ADRA1A: variants seen among roughly 807,000 people sequenced by gnomAD.
ADRA1A encodes alpha-1A adrenergic receptor.
ADRA1A carries 31 observed loss-of-function variants against 29.6 expected under a neutral mutation model. The ratio of observed to expected loss-of-function variants is 1.05; its 90% CI spans 0.79 to 1.41. The LOEUF is 1.41. ADRA1A is among the 40% of genes most tolerant of loss of function. The pLI, the probability that ADRA1A is intolerant of heterozygous loss-of-function variation, is 0.00. For synonymous variants in ADRA1A, 311 were observed against 254.3 expected (o/e 1.22, Z -2.12); for missense variants, 619 against 601.1 (o/e 1.03, Z -0.31).
chr8:26,788,342 T>C (rs1417745186), intron 2 of ADRA1A, among the ~76,000 whole-genome samples: 1 of 152,196 alleles, frequency 6.6e-6, no homozygotes. Flanking sequence ...CTTCCATGGA[T>C]ACCTGGGCTT....
At chr8:26,786,008 T>A (rs117686299) in intron 2 of ADRA1A, among the ~76,000 whole-genome samples, 109 of 152,112 alleles carry the variant, frequency 7.2e-4, no homozygotes, top group Non-Finnish European at 1.4e-3. Context: ...CATGCCTGGG[T>A]CACCTTCCCT....
rs990624773 is a variant in ADRA1A, at chr8:26,866,385, A to G, written c.-687+551T>C. ...GGGACTGGCGGGGGACGGGGTGGGG[A>G]GGACGTCCCTCTGCAGAGGGAGCTT... On this transcript the variant is annotated intron_variant, in intron 1 of 2. Transcript: ENST00000380573. This position sits in a 1 kb window ranked among gnomAD's most constrained non-coding sequence, Gnocchi z 5.7. 6.6e-6 allele frequency among the ~76,000 whole-genome samples: 1 copy of G among 151,918 alleles called. No individual in the cohort carries two copies. The highest frequency in any genetic ancestry group is 1.9e-4 in the East Asian group (1 of 5,150).
At chr8:26,854,423 C>CA (rs1554512940) in intron 2 of ADRA1A, 4 of 26,780 alleles carry the variant, frequency 1.5e-4, no homozygotes, top group African/African-American at 4.3e-4. Flanking sequence ...TAAAGCGGGG[C>CA]GGGGGGGGGG....
intron 2 of ADRA1A, among the ~76,000 whole-genome samples, chr8:26,800,895 C>T (rs907246621): frequency 6.6e-6 from 1 of 152,052 alleles, no homozygotes; most frequent in South Asian, 2.1e-4. Flanking sequence ...ACTTGTAGTC[C>T]AAATTCAACA....
intron 2 of ADRA1A, among the ~76,000 whole-genome samples, chr8:26,811,578 A>T (rs1809400004): frequency 6.6e-6 from 1 of 152,202 alleles, no homozygotes. Flanking sequence ...ACTAGAGCCC[A>T]CTCAGAAAAC....
intron 2 of ADRA1A, among the ~76,000 whole-genome samples, chr8:26,856,622 C>T (rs1813066768): frequency 6.6e-6 from 1 of 152,062 alleles, no homozygotes; most frequent in Non-Finnish European, 1.5e-5. Context: ...CCATTTTTGC[C>T]TTTAAACACC....
downstream of ADRA1A, among the ~76,000 whole-genome samples, chr8:26,767,082 G>T (rs941847671): frequency 1.3e-5 from 2 of 152,034 alleles, no homozygotes; most frequent in Admixed American, 6.5e-5. Flanking sequence ...GAGATTCAGG[G>T]TCTCTCATAA....
chr8:26,820,959 A>C (rs1477834212), intron 2 of ADRA1A, among the ~76,000 whole-genome samples: 1 of 151,988 alleles, frequency 6.6e-6, no homozygotes, highest in African/African-American at 2.4e-5. Context: ...GTGCCATCTT[A>C]GCTCACTGCA....
At chr8:26,762,102 G>A (rs1448090170), downstream of ADRA1A, among the ~76,000 whole-genome samples, 1 of 152,114 alleles carries the variant, frequency 6.6e-6, no homozygotes, top group Non-Finnish European at 1.5e-5. This position sits in a 1 kb window ranked among gnomAD's most constrained non-coding sequence, Gnocchi z 4.0. Context: ...AGAGACAGAA[G>A]ATGCAGAAGA....
rs1810521826 is a variant in ADRA1A at position 26,825,900 on chromosome 8, C to A, written c.883+38187G>T. ...TTTGCATGAGGACATGAGCCCCATTCCTTGAATTCCTACAATGTCCCAAGT... is the reference window on the plus strand; with the variant it reads ...TTTGCATGAGGACATGAGCCCCATTACTTGAATTCCTACAATGTCCCAAGT... On this transcript the variant is annotated intron_variant, in intron 2 of 2. Coordinates refer to ENST00000380573, the MANE Select transcript of ADRA1A (RefSeq NM_000680.4). This position sits in a 1 kb window ranked among gnomAD's most constrained non-coding sequence, Gnocchi z 5.7. Among the ~76,000 whole-genome samples the A allele has an allele frequency of 6.6e-6, 1 of 152,228 alleles. No homozygotes were observed. Among genetic ancestry groups the A allele is most frequent in the Admixed American group, 6.5e-5 (1 of 15,286 alleles).
At chr8:26,856,174 T>A (rs1813028913) in intron 2 of ADRA1A, among the ~76,000 whole-genome samples, 1 of 152,200 alleles carries the variant, frequency 6.6e-6, no homozygotes. Flanking sequence ...CTATTTCTGA[T>A]CACGAGAAAG....
intron 2 of ADRA1A, among the ~76,000 whole-genome samples, chr8:26,827,290 T>C (rs1325623847): frequency 6.6e-6 from 1 of 152,164 alleles, no homozygotes; most frequent in East Asian, 1.9e-4. Context: ...ATGGGAAATG[T>C]TGAGGTTGAA....
Position 26,787,405 on chromosome 8 carries a change from C to T in ADRA1A, c.884-16739G>A, listed in dbSNP as rs545682716. On this transcript the variant is annotated intron_variant, in intron 2 of 2. Transcript: ENST00000380573. This position sits in a 1 kb window ranked among gnomAD's most constrained non-coding sequence, Gnocchi z 4.2. The stretch of plus-strand genomic sequence containing the variant: ...GACATGTTTGGACATGGAAAAAAAA[C>T]CCACACATACTATATTCTGTCTGAA... 1.1e-3 allele frequency among the ~76,000 whole-genome samples: 171 copies of T among 152,072 alleles called. No homozygotes were observed. The highest frequency in any genetic ancestry group is 2.0e-3 in the Non-Finnish European group (139 of 68,000).
intron 2 of ADRA1A, among the ~76,000 whole-genome samples, chr8:26,758,584 T>C (rs1045913656): frequency 4.6e-5 from 7 of 152,200 alleles, no homozygotes; most frequent in Non-Finnish European, 1.0e-4. Flanking sequence ...AGAGGTCACG[T>C]GATTTGTTCA....
intron 2 of ADRA1A, among the ~76,000 whole-genome samples, chr8:26,759,408 ATT>A (rs780287222): frequency 7.9e-5 from 12 of 152,084 alleles, no homozygotes; most frequent in Non-Finnish European, 1.5e-4. Flanking sequence ...CTAGCAATGG[ATT>A]GTTATTTAAA....
chr8:26,762,388 C>A (rs1452995006), downstream of ADRA1A, among the ~76,000 whole-genome samples: 1 of 152,138 alleles, frequency 6.6e-6, no homozygotes, highest in Non-Finnish European at 1.5e-5. The surrounding 1 kb of genome is among the most constrained non-coding windows in gnomAD (Gnocchi z 4.0). Context: ...CCTGGGCTCT[C>A]TGGAAGCTGT....
chr8:26,795,721 A>AGG (rs1808146696), intron 2 of ADRA1A, among the ~76,000 whole-genome samples: 1 of 152,306 alleles, frequency 6.6e-6, no homozygotes, highest in Non-Finnish European at 1.5e-5. Flanking sequence ...ACAAACAGAC[A>AGG]AAGTGATACA....
At chr8:26,836,949 G>A (rs1811415776) in intron 2 of ADRA1A, among the ~76,000 whole-genome samples, 1 of 152,134 alleles carries the variant, frequency 6.6e-6, no homozygotes, top group South Asian at 2.1e-4. Context: ...GACCAGCCCA[G>A]GAAGGCAGCA....
chr8:26,863,233 G>C (rs190920825), intron 2 of ADRA1A, among the ~76,000 whole-genome samples: 10 of 152,292 alleles, frequency 6.6e-5, no homozygotes, highest in Admixed American at 5.9e-4. Context: ...TCTCATTGAA[G>C]GAGATAGATG....
Sources: allele counts gnomAD v4.1 joint callset (sites outside exome capture counted in the v4.1 genomes callset), GRCh38; gene constraint gnomAD v4.1.1; non-coding constraint Gnocchi (gnomAD v3.1); transcripts MANE v1.5; gene names NCBI Gene and HGNC (gene_info 2026-07-23, HGNC 2026-07-21).